Variants in MILR1 observed in about 807,000 individuals in gnomAD.
MILR1 encodes allergin-1.
A neutral mutation model predicts 18.5 loss-of-function variants in MILR1; 31 were observed. The observed-to-expected ratio is 1.68, with a 90% confidence interval of 1.26 to 2.26. The LOEUF is 2.26. Among genes scored for constraint, MILR1 ranks in the 30% most tolerant of loss-of-function variants. MILR1 has a pLI of 0.00. For missense variants in MILR1, 257 were observed against 157.4 expected (o/e 1.63, Z -3.38); for synonymous variants, 85 against 56.2 (o/e 1.51, Z -2.30).
rs2037329836 is a variant in MILR1 at position 64,457,594 on chromosome 17, C to T, written c.562C>T (p.Pro188Ser). 1 of 475,236 alleles carries T rather than the reference C, an allele frequency of 2.1e-6. No individual in the cohort carries two copies. 29.4% of individuals were successfully genotyped at this position (475,236 alleles called of 1,614,324 possible). Residue 188 changes from proline (P) to serine (S), a missense_variant, in exon 4 of 10, where the codon CCT (proline) becomes TCT (serine). Pro to Ser is a moderately conservative substitution (Grantham distance 74). Transcript: ENST00000619286. ...TGAATTTAACTTAACCAAGAAGAAT[C>T]CTGGAGAAGAGGAAGAGTATAGGTG... ...PAEFNLTKKN[P>S]GEEEEYRCEA...
the MILR1 span, among the ~76,000 whole-genome samples, chr17:64,494,688 T>C: frequency 6.6e-6 from 1 of 152,182 alleles, no homozygotes; most frequent in Non-Finnish European, 1.5e-5. Flanking sequence ...TATCTTAATG[T>C]TCAATTTGTC....
Position 64,452,681 on chromosome 17 carries a change from A to C in MILR1, c.182A>C (p.Lys61Thr), listed in dbSNP as rs935630194. Reference sequence around the variant, plus strand: ...TCTATGTTTTGTTCCCATAAGAACAAATCACTGCAGATCACCTATTCATTG... The same window carrying C: ...TCTATGTTTTGTTCCCATAAGAACACATCACTGCAGATCACCTATTCATTG... ...NVSMFCSHKN[K>T]SLQITYSLFR... is the part of the protein sequence containing the mutation. Residue 61 changes from lysine (K) to threonine (T), a missense_variant, in exon 3 of 10, where the codon AAA becomes ACA. Coordinates refer to ENST00000619286, the MANE Select transcript of MILR1 (RefSeq NM_001085423.2). 1.3e-5 allele frequency: 6 copies of C among 473,568 alleles called. No individual in the cohort carries two copies. The highest frequency in any genetic ancestry group is 2.3e-5 in the Non-Finnish European group (6 of 258,332). The allele number at this position is 473,568 out of a possible 1,614,324, so 29.3% of individuals were successfully genotyped here.
chr17:64,466,739 T>C, intron 8 of MILR1, 77 bp downstream of exon 8: 1 of 1,264,102 alleles, frequency 7.9e-7, no homozygotes, highest in Non-Finnish European at 1.1e-6. Flanking sequence ...ATTCAGGGGC[T>C]TCAGGAGCCC....
chr17:64,477,663 A>G, the MILR1 span: 4 of 871,154 alleles, frequency 4.6e-6, no homozygotes, highest in Admixed American at 6.9e-5. Context: ...AGCTGAACAT[A>G]TTCCTGATAC....
At chr17:64,462,796 A>C (rs1329746515) in intron 5 of MILR1, among the ~76,000 whole-genome samples, 2 of 151,750 alleles carry the variant, frequency 1.3e-5, no homozygotes, top group Non-Finnish European at 2.9e-5. Flanking sequence ...ACCCACCACC[A>C]TGTATTTTTA....
the MILR1 span, among the ~76,000 whole-genome samples, chr17:64,474,611 G>A: frequency 1.3e-5 from 2 of 151,860 alleles, no homozygotes; most frequent in African/African-American, 4.8e-5. Context: ...CAGGACTCAA[G>A]TGATCCTCCT....
intron 3 of MILR1, among the ~76,000 whole-genome samples, chr17:64,455,522 C>T (rs933616061): frequency 2.6e-5 from 4 of 151,954 alleles, no homozygotes; most frequent in African/African-American, 4.8e-5. Flanking sequence ...GGCACCATCT[C>T]GGCTCACTGC....
In MILR1 at chr17:64,453,236, T is replaced by C. The variant is rs1031132591; in HGVS notation, c.367+370T>C. ...GGCACCCATCACCACGCCTGGCTAA[T>C]TTTTGTATTTTTACTTGAGACGAGG... On this transcript the variant is annotated intron_variant, in intron 3 of 9. Coordinates refer to ENST00000619286, the MANE Select transcript of MILR1 (RefSeq NM_001085423.2). Among the ~76,000 whole-genome samples the C allele has an allele frequency of 7.2e-5, 11 of 152,028 alleles. No individual in the cohort carries two copies. The East Asian group carries it at 2.1e-3, about 29-fold the overall frequency.
In MILR1 at chr17:64,459,992, TTTTATTTATTTATTTATTTATTTATTTA is replaced by T. The variant is rs202053813; in HGVS notation, c.653-802_653-775del. Among the ~76,000 whole-genome samples, 390 of 125,366 alleles carry T rather than the reference TTTTATTTATTTATTTATTTATTTATTTA, an allele frequency of 3.1e-3. 2 individuals carry two copies. The highest frequency in any genetic ancestry group is 0.011 in the African/African-American group (374 of 32,704). The allele number at this position is 125,366 out of a possible 152,430, so 82.2% of individuals were successfully genotyped here. ...ACTTTATTATTTTTATTTTATTTTA[TTTTATTTATTTATTTATTTATTTATTTA>T]TTTATTTATTTATTTATTTATTTAT... On this transcript the variant is annotated intron_variant, in intron 4 of 9. Transcript: ENST00000619286.
the MILR1 span, among the ~76,000 whole-genome samples, chr17:64,482,059 T>C: frequency 6.7e-6 from 1 of 149,166 alleles, no homozygotes; most frequent in Non-Finnish European, 1.5e-5. Context: ...TTATATATAA[T>C]CACAGTACTT....
At chr17:64,468,070 G>C (rs933336144) in intron 9 of MILR1, 1 of 359,830 alleles carries the variant, frequency 2.8e-6, no homozygotes, top group Non-Finnish European at 5.4e-6. Context: ...GTTGAGTTGT[G>C]GGGGAGGGAG....
In MILR1 at chr17:64,457,521, C is replaced by T; in HGVS notation, c.489C>T (p.Asn163=). The T allele has an allele frequency of 2.1e-6, 1 of 475,428 alleles. No individual in the cohort carries two copies. The highest frequency in any genetic ancestry group is 3.9e-6 in the Non-Finnish European group (1 of 259,074). 29.5% of individuals were successfully genotyped at this position (475,428 alleles called of 1,614,324 possible). Residue 163 remains asparagine (N), a synonymous_variant, in exon 4 of 10, where the codon AAC becomes AAT. Transcript: ENST00000619286. ...SLPINYTFFE[N]HVAISPAISK... is the part of the protein sequence containing the mutation. ...CCATCAATTACACTTTCTTTGAAAA[C>T]CATGTTGCCATATCACCAGCTATTT...
chr17:64,490,817 A>C, the MILR1 span: 1 of 1,613,004 alleles, frequency 6.2e-7, no homozygotes, highest in South Asian at 1.1e-5. Context: ...ACACATTGCC[A>C]GGATACATGT....
intron 6 of MILR1, among the ~76,000 whole-genome samples, chr17:64,466,211 C>A (rs1166658117): frequency 6.6e-6 from 1 of 152,142 alleles, no homozygotes; most frequent in Non-Finnish European, 1.5e-5. Context: ...ACAGAAACCA[C>A]CCCCATGATT....
At chr17:64,468,742 A>G (rs1236314733), downstream of MILR1, 2 of 573,934 alleles carry the variant, frequency 3.5e-6, no homozygotes, top group Non-Finnish European at 4.4e-6. Flanking sequence ...TAGAAATATA[A>G]TGTCAGCCAC....
At chr17:64,470,184 C>T (rs1037032395), downstream of MILR1, among the ~76,000 whole-genome samples, 7 of 152,128 alleles carry the variant, frequency 4.6e-5, no homozygotes, top group Non-Finnish European at 1.0e-4. Context: ...ACCTCTGCCT[C>T]CCGGGTTCAA....
At chr17:64,485,566 T>C in the MILR1 span, 1 of 651,700 alleles carries the variant, frequency 1.5e-6, no homozygotes, top group Non-Finnish European at 2.7e-6. Context: ...AACCTGATTC[T>C]TATTCCTGTG....
At chr17:64,497,034 G>A in the MILR1 span, 12 of 1,488,316 alleles carry the variant, frequency 8.1e-6, no homozygotes, top group East Asian at 9.0e-5. Flanking sequence ...CACCACTACC[G>A]TTAACAGAAT....
At chr17:64,450,198 A>G (rs1476549696) in intron 2 of MILR1, among the ~76,000 whole-genome samples, 1 of 152,114 alleles carries the variant, frequency 6.6e-6, no homozygotes, top group Non-Finnish European at 1.5e-5. Flanking sequence ...TTGGCCTCCC[A>G]AAGTGCTGGG....
Sources: gnomAD v4.1 joint callset for allele counts (sites outside exome capture counted in the v4.1 genomes callset) on GRCh38, gnomAD v4.1.1 for gene constraint, MANE v1.5 for transcripts, NCBI Gene and HGNC (gene_info 2026-07-23, HGNC 2026-07-21) for gene names.